The following TMEFF1 variants were observed in gnomAD, a reference collection of about 807,000 sequenced individuals.
TMEFF1 encodes tomoregulin-1.
Under a neutral mutation model 47.5 loss-of-function variants are expected in TMEFF1, and 20 were observed. That is an observed-to-expected ratio of 0.42 (90% CI 0.30 to 0.61). The LOEUF (loss-of-function observed/expected upper bound fraction) is 0.61, where lower values mean the gene tolerates loss of function less well. TMEFF1 is among the 20% of genes least tolerant of loss of function. TMEFF1 has a pLI of 0.19. For synonymous variants in TMEFF1, 162 were observed against 166.3 expected, an observed-to-expected ratio of 0.97 and a Z score of 0.20; for missense variants, 411 against 471.1, an observed-to-expected ratio of 0.87 and a Z score of 1.18.
chr9:100,516,761 G>A lies in TMEFF1; in HGVS notation c.550G>A (p.Glu184Lys). ...TAAAGCTGAGTGTGATGAAGATGCA[G>A]AAAATGTTGGGTGAGTTGGTTGAGG... ...KYKAECDEDA[E>K]NVGCVCNIDC... is the part of the protein sequence containing the mutation. Residue 184 changes from glutamate to lysine, a missense_variant, in exon 5 of 10, where the codon GAA becomes AAA. By Grantham distance (56) the Glu-to-Lys change is moderately conservative. Transcript: ENST00000374879. 6.2e-7 allele frequency: 1 copy of A among 1,613,042 alleles called. No individual in the cohort carries two copies. Among genetic ancestry groups the A allele is most frequent in the Non-Finnish European group, 8.5e-7 (1 of 1,179,686 alleles).
At chr9:100,508,075 C>T (rs1837893217) in intron 2 of TMEFF1, among the ~76,000 whole-genome samples, 1 of 152,092 alleles carries the variant, frequency 6.6e-6, no homozygotes, top group South Asian at 2.1e-4. Context: ...GTGGACAACC[C>T]TGATTGCTAG....
chr9:100,524,982 A>T (rs1838229404), intron 5 of TMEFF1, among the ~76,000 whole-genome samples: 1 of 152,160 alleles, frequency 6.6e-6, no homozygotes. Context: ...AATCTGGGCC[A>T]GGCTTACCTG....
chr9:100,562,209 T>C (rs547034130), intron 8 of TMEFF1, among the ~76,000 whole-genome samples: 1 of 152,298 alleles, frequency 6.6e-6, no homozygotes, highest in South Asian at 2.1e-4. Context: ...GGGACATTGC[T>C]GTCATTTTGC....
chr9:100,568,185 T>G (rs1001228675), intron 8 of TMEFF1, among the ~76,000 whole-genome samples: 1 of 152,216 alleles, frequency 6.6e-6, no homozygotes, highest in African/African-American at 2.4e-5. Context: ...CAGGGAGAAC[T>G]GCAGGGATGA....
At chr9:100,520,706 T>A (rs113622095) in intron 5 of TMEFF1, among the ~76,000 whole-genome samples, 1 of 152,252 alleles carries the variant, frequency 6.6e-6, no homozygotes, top group Non-Finnish European at 1.5e-5. Flanking sequence ...ACACATAATA[T>A]ATTTTTAAGC....
At chr9:100,538,365 AT>A (rs1838560683) in intron 5 of TMEFF1, among the ~76,000 whole-genome samples, 1 of 152,192 alleles carries the variant, frequency 6.6e-6, no homozygotes, top group African/African-American at 2.4e-5. Flanking sequence ...CAGAAACAGA[AT>A]TTTAGCAGTA....
At chr9:100,505,060 T>C (rs1837830526) in intron 2 of TMEFF1, among the ~76,000 whole-genome samples, 1 of 152,130 alleles carries the variant, frequency 6.6e-6, no homozygotes, top group Non-Finnish European at 1.5e-5. Context: ...ATGATTACCA[T>C]AGAAGAAAAT....
At chr9:100,561,636 T>C in intron 8 of TMEFF1, 116 bp downstream of exon 8, 4 of 1,336,842 alleles carry the variant, frequency 3.0e-6, no homozygotes, top group Non-Finnish European at 3.8e-6. Flanking sequence ...TTATTTGCAG[T>C]AGACAAGTAA....
At chr9:100,569,902 T>G (rs897978412) in intron 8 of TMEFF1, among the ~76,000 whole-genome samples, 1 of 152,172 alleles carries the variant, frequency 6.6e-6, no homozygotes, top group African/African-American at 2.4e-5. Context: ...CCCATCTAAC[T>G]GAAATTTAGT....
intron 2 of TMEFF1, among the ~76,000 whole-genome samples, chr9:100,504,467 A>T (rs1473677157): frequency 6.6e-6 from 1 of 152,242 alleles, no homozygotes; most frequent in Non-Finnish European, 1.5e-5. Context: ...AAAATACATC[A>T]TATGGGAGGA....
intron 5 of TMEFF1, 50 bp from the exon 6 acceptor site, chr9:100,547,694 G>A (rs776724073): frequency 7.8e-6 from 11 of 1,405,224 alleles, no homozygotes; most frequent in Non-Finnish European, 1.0e-5. Flanking sequence ...TTGCAGCATT[G>A]TGAAATATTT....
chr9:100,521,589 C>T (rs997138076), intron 5 of TMEFF1, among the ~76,000 whole-genome samples: 1 of 152,194 alleles, frequency 6.6e-6, no homozygotes, highest in Non-Finnish European at 1.5e-5. Flanking sequence ...CTGTCCAAGG[C>T]CGAAGTTATT....
chr9:100,553,476 T>C (rs892489627), intron 7 of TMEFF1, among the ~76,000 whole-genome samples: 4 of 152,198 alleles, frequency 2.6e-5, no homozygotes, highest in African/African-American at 9.7e-5. Flanking sequence ...GATTGGAAGA[T>C]AGTGCTCAGT....
chr9:100,551,583 G>A (rs547217210), intron 7 of TMEFF1, among the ~76,000 whole-genome samples: 4 of 152,290 alleles, frequency 2.6e-5, no homozygotes, highest in Non-Finnish European at 4.4e-5. Context: ...TAAAGCACTT[G>A]TGTGCCATTG....
Position 100,576,662 on chromosome 9 carries a change from G to T in TMEFF1, c.*62G>T. 1 of 1,542,808 alleles carries T rather than the reference G, an allele frequency of 6.5e-7. No individual in the cohort carries two copies. Among genetic ancestry groups the T allele is most frequent in the Non-Finnish European group, 8.7e-7 (1 of 1,146,042 alleles). On this transcript the variant is annotated 3_prime_UTR_variant, in exon 10 of 10. Coordinates refer to ENST00000374879, the MANE Select transcript of TMEFF1 (RefSeq NM_003692.5). Reference sequence around the variant, plus strand: ...TACATTTATTATGTCTTTTTTTAAAGAATGGAAATATTTATTTCAGAGGCC... The same window carrying T: ...TACATTTATTATGTCTTTTTTTAAATAATGGAAATATTTATTTCAGAGGCC...
rs758491879 is a variant in TMEFF1, at chr9:100,473,582, C to T, written c.38C>T (p.Pro13Leu). Residue 13 changes from proline (P) to leucine (L), a missense_variant, in exon 1 of 10, where the codon CCT (proline) becomes CTT (leucine). Pro to Leu is a moderately conservative substitution (Grantham distance 98). Coordinates refer to ENST00000374879, the MANE Select transcript of TMEFF1 (RefSeq NM_003692.5). The surrounding 1 kb of genome is among the most constrained non-coding windows in gnomAD (Gnocchi z 5.4). Reference protein sequence around the residue: ...AAAAEAPLRLPAAPPLAFCCY... With the variant: ...AAAAEAPLRLLAAPPLAFCCY... ...GCCGCTGAGGCGCCGCTCCGGCTGC[C>T]TGCCGCGCCTCCGCTCGCCTTCTGC... 4.6e-5 allele frequency: 72 copies of T among 1,548,854 alleles called. No individual in the cohort carries two copies. The highest frequency in any genetic ancestry group is 5.8e-5 in the Non-Finnish European group (67 of 1,149,402).
At chr9:100,573,621 G>A (rs975854094) in intron 9 of TMEFF1, among the ~76,000 whole-genome samples, 1 of 152,198 alleles carries the variant, frequency 6.6e-6, no homozygotes, top group African/African-American at 2.4e-5. Flanking sequence ...ATTCTGGGCA[G>A]AGGGTTGAAG....
intron 3 of TMEFF1, among the ~76,000 whole-genome samples, chr9:100,513,060 G>A (rs1026119896): frequency 6.6e-6 from 1 of 152,214 alleles, no homozygotes; most frequent in African/African-American, 2.4e-5. Context: ...TCTGTGCAAA[G>A]CATCTGGGTA....
chr9:100,530,468 A>G (rs1397869552), intron 5 of TMEFF1, among the ~76,000 whole-genome samples: 1 of 152,230 alleles, frequency 6.6e-6, no homozygotes, highest in African/African-American at 2.4e-5. Flanking sequence ...CTCTACGCAA[A>G]TAAACTAGAA....
Sources: gnomAD v4.1 joint callset for allele counts (sites outside exome capture counted in the v4.1 genomes callset) on GRCh38, gnomAD v4.1.1 for gene constraint, Gnocchi (gnomAD v3.1) non-coding constraint, MANE v1.5 for transcripts, NCBI Gene and HGNC (gene_info 2026-07-23, HGNC 2026-07-21) for gene names.